Variants in ST8SIA1 observed in about 807,000 individuals in gnomAD.
ST8SIA1 encodes ST8 alpha-N-acetyl-neuraminide alpha-2,8-sialyltransferase 1.
A neutral mutation model predicts 35.9 loss-of-function variants in ST8SIA1; 16 were observed. The observed-to-expected ratio is 0.45, with a 90% confidence interval of 0.30 to 0.68. The LOEUF is 0.68. ST8SIA1 is among the 30% of genes least tolerant of loss of function. The pLI is 0.09. For synonymous variants in ST8SIA1, 170 were observed against 169.6 expected, an observed-to-expected ratio of 1.00 and a Z score of -0.02; for missense variants, 383 against 453.6, an observed-to-expected ratio of 0.84 and a Z score of 1.41.
At chr12:22,226,771 A>G (rs1865363734) in intron 4 of ST8SIA1, among the ~76,000 whole-genome samples, 1 of 152,146 alleles carries the variant, frequency 6.6e-6, no homozygotes, top group Admixed American at 6.5e-5. Context: ...GCTCTCAGCC[A>G]TCTCTCTTTT....
intron 4 of ST8SIA1, among the ~76,000 whole-genome samples, chr12:22,213,043 C>T (rs1241577785): frequency 6.6e-6 from 1 of 152,120 alleles, no homozygotes; most frequent in African/African-American, 2.4e-5. Context: ...GAATCCATGA[C>T]CCATACCAAA....
At chr12:22,237,799 A>G (rs1865492865) in intron 4 of ST8SIA1, among the ~76,000 whole-genome samples, 1 of 151,978 alleles carries the variant, frequency 6.6e-6, no homozygotes, top group Admixed American at 6.6e-5. Flanking sequence ...TGAAAAGTCT[A>G]TTTTAAAATA....
intron 1 of ST8SIA1, 189 bp downstream of exon 1, chr12:22,333,808 G>A (rs1866800407): frequency 2.6e-6 from 2 of 767,204 alleles, no homozygotes; most frequent in African/African-American, 1.7e-5. Context: ...TGGGGATCAG[G>A]GGTGGGGAAG....
intron 3 of ST8SIA1, among the ~76,000 whole-genome samples, chr12:22,251,290 T>A (rs1865666943): frequency 6.6e-6 from 1 of 152,172 alleles, no homozygotes; most frequent in Non-Finnish European, 1.5e-5. Flanking sequence ...TTTTCATGAG[T>A]AAATACTTTG....
intron 2 of ST8SIA1, among the ~76,000 whole-genome samples, chr12:22,281,707 G>T (rs1866037001): frequency 6.6e-6 from 1 of 151,420 alleles, no homozygotes; most frequent in African/African-American, 2.4e-5. Flanking sequence ...TCTTGGCCAG[G>T]TGTAGTGGTT....
intron 4 of ST8SIA1, among the ~76,000 whole-genome samples, chr12:22,243,530 G>A (rs1371635839): frequency 2.0e-5 from 3 of 152,020 alleles, no homozygotes. Context: ...CACCCTGTTT[G>A]CATATACTGC....
intron 1 of ST8SIA1, among the ~76,000 whole-genome samples, chr12:22,308,251 A>G (rs1866408171): frequency 6.6e-6 from 1 of 152,242 alleles, no homozygotes; most frequent in African/African-American, 2.4e-5. Flanking sequence ...GAGCTATTAA[A>G]AATTTGAAAG....
chr12:22,312,586 G>C (rs1866463523), intron 1 of ST8SIA1, among the ~76,000 whole-genome samples: 1 of 152,062 alleles, frequency 6.6e-6, no homozygotes, highest in African/African-American at 2.4e-5. Context: ...TTAGTGTTAT[G>C]GGGACTTGGC....
At chr12:22,214,456 A>G (rs1459398807) in intron 4 of ST8SIA1, among the ~76,000 whole-genome samples, 1 of 152,178 alleles carries the variant, frequency 6.6e-6, no homozygotes, top group African/African-American at 2.4e-5. Flanking sequence ...GAGCCCAGGC[A>G]AAAGACAAGA....
intron 1 of ST8SIA1, among the ~76,000 whole-genome samples, chr12:22,302,503 G>A (rs572787222): frequency 5.9e-5 from 9 of 152,160 alleles, no homozygotes; most frequent in Non-Finnish European, 1.3e-4. Flanking sequence ...TAGAGCATGA[G>A]ACTTCTCAAC....
At chr12:22,270,293 T>C (rs1479550643) in intron 2 of ST8SIA1, among the ~76,000 whole-genome samples, 1 of 152,294 alleles carries the variant, frequency 6.6e-6, no homozygotes, top group Non-Finnish European at 1.5e-5. Context: ...GATTATCAGA[T>C]AATGCATGCA....
chr12:22,301,892 G>C (rs971461201), intron 1 of ST8SIA1, among the ~76,000 whole-genome samples: 7 of 152,074 alleles, frequency 4.6e-5, no homozygotes, highest in Non-Finnish European at 1.0e-4. Context: ...CAAATCCATG[G>C]CTGGGCTCAG....
intron 2 of ST8SIA1, among the ~76,000 whole-genome samples, chr12:22,257,268 G>C (rs1053256565): frequency 2.0e-5 from 3 of 151,914 alleles, no homozygotes; most frequent in African/African-American, 7.3e-5. Context: ...CTGGAGTACA[G>C]TGGCATGATC....
intron 4 of ST8SIA1, among the ~76,000 whole-genome samples, chr12:22,229,666 G>T (rs552355209): frequency 2.0e-5 from 3 of 151,810 alleles, no homozygotes; most frequent in African/African-American, 7.2e-5. Context: ...CCACCATGAT[G>T]GCTTGAAAGA....
chr12:22,228,664 G>A (rs1865383383), intron 4 of ST8SIA1, among the ~76,000 whole-genome samples: 1 of 152,184 alleles, frequency 6.6e-6, no homozygotes, highest in East Asian at 1.9e-4. Context: ...TGTGTGCAGA[G>A]CTACTGGTGA....
At position 22,331,879 on chromosome 12, in the gene ST8SIA1, T is replaced by C. The variant is rs74361849; in HGVS notation, c.236+2118A>G. 4.8e-3 allele frequency among the ~76,000 whole-genome samples: 726 copies of C among 152,302 alleles called. 9 individuals are homozygous for C. The highest frequency in any genetic ancestry group is 0.017 in the African/African-American group (706 of 41,546). On this transcript the variant is annotated intron_variant, in intron 1 of 4. Transcript: ENST00000396037. ...ATTTCCTTATTTAAGTTGTAACATA[T>C]ACCAGAAATATAATTTATAACAATT... is the stretch of plus-strand genomic sequence containing the variant.
chr12:22,331,590 C>T (rs1866765611), intron 1 of ST8SIA1, among the ~76,000 whole-genome samples: 1 of 152,166 alleles, frequency 6.6e-6, no homozygotes, highest in Non-Finnish European at 1.5e-5. Flanking sequence ...GTCTCCTTAA[C>T]ATGATAATGG....
At chr12:22,329,113 G>A (rs4133369) in intron 1 of ST8SIA1, among the ~76,000 whole-genome samples, 12 of 152,042 alleles carry the variant, frequency 7.9e-5, no homozygotes, top group African/African-American at 2.9e-4. Context: ...AGAATAAAAA[G>A]AAAAACTGAT....
intron 1 of ST8SIA1, chr12:22,325,878 A>G: frequency 1.4e-6 from 1 of 702,022 alleles, no homozygotes; most frequent in Non-Finnish European, 2.6e-6. Flanking sequence ...TGATCCCACC[A>G]CCAAGATGGA....
Sources: gnomAD v4.1 joint callset for allele counts (sites outside exome capture counted in the v4.1 genomes callset) on GRCh38, gnomAD v4.1.1 for gene constraint, MANE v1.5 for transcripts, NCBI Gene and HGNC (gene_info 2026-07-23, HGNC 2026-07-21) for gene names.